ZNF131: variants seen among roughly 807,000 people sequenced by gnomAD.
ZNF131 encodes zinc finger protein 131.
A neutral mutation model predicts 60.0 loss-of-function variants in ZNF131; 7 were observed. That is an observed-to-expected ratio of 0.12 (90% CI 0.07 to 0.22). The LOEUF (loss-of-function observed/expected upper bound fraction) is 0.22, where lower values mean the gene tolerates loss of function less well. Among genes scored for constraint, ZNF131 ranks in the 10% least tolerant of loss-of-function variants. ZNF131 has a pLI of 1.00. For synonymous variants in ZNF131, 257 were observed against 253.2 expected (o/e 1.01, Z -0.14); for missense variants, 493 against 740.9 (o/e 0.67, Z 3.88).
In ZNF131 at chr5:43,120,967, G is replaced by A. The variant is rs79888608; in HGVS notation, c.-172G>A. ...GAACGCACGTGCGCCAGCGGGGCCC[G>A]AGCAGAAGGGGAGCCCCGGCTCTCA... On this transcript the variant is annotated 5_prime_UTR_variant, in exon 1 of 7. Transcript: ENST00000682664. The A allele has an allele frequency of 0.054, 8,188 of 152,312 alleles. 317 individuals carry two copies. Among genetic ancestry groups the A allele is most frequent in the South Asian group, 0.13 (629 of 4,826 alleles). 9.4% of individuals were successfully genotyped at this position (152,312 alleles called of 1,614,324 possible). A position where few individuals can be genotyped will look rare whatever the true frequency, so the allele number is the denominator to read the frequency against.
At chr5:43,160,214 A>T (rs983333401) in intron 4 of ZNF131, among the ~76,000 whole-genome samples, 1 of 151,348 alleles carries the variant, frequency 6.6e-6, no homozygotes, top group Admixed American at 6.6e-5. Flanking sequence ...AAAAGAAGAA[A>T]TCTGTCAGCT....
rs981150104 is a variant in ZNF131, at chr5:43,125,574, A to G, written c.226+2264A>G. Among the ~76,000 whole-genome samples the G allele has an allele frequency of 1.1e-4, 17 of 152,056 alleles. 1 individual carries two copies. Among genetic ancestry groups the G allele is most frequent in the African/African-American group, 4.1e-4 (17 of 41,542 alleles). On this transcript the variant is annotated intron_variant, in intron 3 of 6. Coordinates refer to ENST00000682664, the MANE Select transcript of ZNF131 (RefSeq NM_001330707.2). Reference sequence around the variant, plus strand: ...GGCAGGCAGATCACCTGAGGTCGAGAGGTCGAGACCAGCCTGACCAACATG... The same window carrying G: ...GGCAGGCAGATCACCTGAGGTCGAGGGGTCGAGACCAGCCTGACCAACATG...
intron 6 of ZNF131, among the ~76,000 whole-genome samples, chr5:43,173,904 A>G (rs993557389): frequency 6.6e-6 from 1 of 152,204 alleles, no homozygotes; most frequent in Admixed American, 6.5e-5. Flanking sequence ...ATGCTTAAAC[A>G]ATGAAGGCAG....
At chr5:43,143,260 A>G (rs1289805834) in intron 4 of ZNF131, 1 of 517,198 alleles carries the variant, frequency 1.9e-6, no homozygotes, top group Non-Finnish European at 2.7e-6. Flanking sequence ...TTACCTTGTG[A>G]TCTGCCCGCC....
At chr5:43,132,656 G>A (rs1302292268) in intron 3 of ZNF131, among the ~76,000 whole-genome samples, 8 of 151,760 alleles carry the variant, frequency 5.3e-5, no homozygotes, top group African/African-American at 1.9e-4. Flanking sequence ...GATTACAGGC[G>A]CGCGTAACCA....
Position 43,161,680 on chromosome 5 carries a change from G to A in ZNF131, c.803G>A (p.Arg268His), listed in dbSNP as rs1561437250. The change falls in exon 5 of 7, where the codon CGT becomes CAT. Residue 268 changes from arginine to histidine, a missense_variant. Transcript: ENST00000682664. ...KDLFHCEKCNRSFKLFYHFKE... is the reference protein window; with the variant it reads ...KDLFHCEKCNHSFKLFYHFKE... Reference sequence around the variant, plus strand: ...TTGTTCCATTGTGAGAAATGTAACCGTTCATTTAAATTGTTTTACCATTTT... The same window carrying A: ...TTGTTCCATTGTGAGAAATGTAACCATTCATTTAAATTGTTTTACCATTTT... 1.2e-6 allele frequency: 2 copies of A among 1,614,172 alleles called. No individual in the cohort carries two copies. Among genetic ancestry groups the A allele is most frequent in the Middle Eastern group, 1.6e-4 (1 of 6,062 alleles).
intron 4 of ZNF131, among the ~76,000 whole-genome samples, chr5:43,158,824 T>C (rs1016985736): frequency 6.6e-6 from 1 of 150,902 alleles, no homozygotes; most frequent in African/African-American, 2.4e-5. Context: ...CTGTGATGCC[T>C]CATCCTTCCT....
At chr5:43,134,693 CTTTTTTT>C (rs149464238) in intron 3 of ZNF131, among the ~76,000 whole-genome samples, 18 of 88,414 alleles carry the variant, frequency 2.0e-4, no homozygotes, top group Non-Finnish European at 3.0e-4. Context: ...TTCTTTTTTT[CTTTTTTT>C]TTTTTTTTTT....
At chr5:43,142,741 G>C (rs1406520377) in intron 4 of ZNF131, among the ~76,000 whole-genome samples, 2 of 151,674 alleles carry the variant, frequency 1.3e-5, no homozygotes, top group African/African-American at 4.8e-5. Flanking sequence ...ACCCAGGCTG[G>C]AGTGCAGTGG....
intron 3 of ZNF131, among the ~76,000 whole-genome samples, chr5:43,131,019 C>G (rs1043999911): frequency 3.3e-5 from 5 of 151,690 alleles, no homozygotes; most frequent in African/African-American, 1.2e-4. Flanking sequence ...ACTCACTAAC[C>G]ACACCTGGCC....
At chr5:43,148,153 C>G (rs1747859217) in intron 4 of ZNF131, among the ~76,000 whole-genome samples, 1 of 150,224 alleles carries the variant, frequency 6.7e-6, no homozygotes, top group Admixed American at 6.7e-5. Flanking sequence ...GGGAGCATAC[C>G]TTGATCCCAG....
intron 4 of ZNF131, among the ~76,000 whole-genome samples, chr5:43,142,236 G>A (rs1339986069): frequency 6.7e-6 from 1 of 150,176 alleles, no homozygotes; most frequent in East Asian, 2.0e-4. Context: ...CCAGCTACTC[G>A]GGAGGCTGAG....
rs374928797 is a variant in ZNF131 at position 43,167,801 on chromosome 5, G to C, written c.1055-5517G>C. 3.0e-4 allele frequency: 98 copies of C among 329,274 alleles called. 2 individuals carry two copies. Among genetic ancestry groups the C allele is most frequent in the South Asian group, 2.4e-3 (95 of 39,558 alleles). The allele number at this position is 329,274 out of a possible 1,614,324, so 20.4% of individuals were successfully genotyped here. On this transcript the variant is annotated intron_variant, in intron 5 of 6. Coordinates refer to ENST00000682664, the MANE Select transcript of ZNF131 (RefSeq NM_001330707.2). ...TGCTGACCAAAGTAAGCAGAATCCT[G>C]TGGGAATGCCTGCCTGGGTTGCTTG...
intron 4 of ZNF131, among the ~76,000 whole-genome samples, chr5:43,140,841 C>T (rs954557939): frequency 6.6e-6 from 1 of 152,170 alleles, no homozygotes; most frequent in Non-Finnish European, 1.5e-5. Context: ...TCTCAGCCTC[C>T]TGAGTAGCTG....
At chr5:43,142,790 CAA>C (rs901934828) in intron 4 of ZNF131, among the ~76,000 whole-genome samples, 39 of 152,120 alleles carry the variant, frequency 2.6e-4, no homozygotes, top group African/African-American at 7.7e-4. Context: ...TTCCCGGCCT[CAA>C]GAGATCCTCC....
At chr5:43,162,065 C>T (rs1008035067) in intron 5 of ZNF131, 134 bp downstream of exon 5, 5 of 830,410 alleles carry the variant, frequency 6.0e-6, no homozygotes, top group Non-Finnish European at 9.1e-6. Flanking sequence ...GCTAAGTACA[C>T]GTTTTTATAG....
At position 43,135,025 on chromosome 5, in the gene ZNF131, T is replaced by C. The variant is rs534480518; in HGVS notation, c.227-4140T>C. ...AGTTACATTTTTTTTTGAGACTGAG[T>C]TTTGCTCTTGTTGCCCCGGCTGGAG... On this transcript the variant is annotated intron_variant, in intron 3 of 6. Transcript: ENST00000682664. Among the ~76,000 whole-genome samples, 41 of 136,844 alleles carry C rather than the reference T, an allele frequency of 3.0e-4. 1 individual carries two copies. The South Asian group carries it at 6.5e-3, about 22-fold the overall frequency. The allele number at this position is 136,844 out of a possible 152,430, so 89.8% of individuals were successfully genotyped here.
At chr5:43,132,365 G>A (rs10072526) in intron 3 of ZNF131, among the ~76,000 whole-genome samples, 1,818 of 152,194 alleles carry the variant, frequency 0.012, 30 homozygotes, top group African/African-American at 0.042. Flanking sequence ...ATTTTATGGT[G>A]TTTCTCAATA....
intron 5 of ZNF131, 101 bp downstream of exon 5, chr5:43,162,032 C>T: frequency 6.3e-6 from 7 of 1,110,478 alleles, no homozygotes; most frequent in Non-Finnish European, 8.8e-6. Context: ...GAAGCCATCT[C>T]ATGTATTATC....
Sources: gnomAD v4.1 joint callset for allele counts (sites outside exome capture counted in the v4.1 genomes callset) on GRCh38, gnomAD v4.1.1 for gene constraint, MANE v1.5 for transcripts, NCBI Gene and HGNC (gene_info 2026-07-23, HGNC 2026-07-21) for gene names.